The following GLCCI1 variants were observed in gnomAD, a reference collection of about 807,000 sequenced individuals.
GLCCI1 encodes the protein glucocorticoid-induced transcript 1 protein.
GLCCI1 carries 24 observed loss-of-function variants against 52.2 expected under a neutral mutation model. That is an observed-to-expected ratio of 0.46 (90% confidence interval 0.33 to 0.65). The LOEUF is 0.65. Among genes scored for constraint, GLCCI1 ranks in the 30% least tolerant of loss-of-function variants. The pLI is 0.02. For synonymous variants in GLCCI1, 310 were observed against 276.5 expected (o/e 1.12, Z -1.20); for missense variants, 704 against 701.5 (o/e 1.00, Z -0.04).
chr7:8,004,094 T>C, intron 2 of GLCCI1, 35 bp downstream of exon 2: 2 of 1,575,680 alleles, frequency 1.3e-6, no homozygotes, highest in Non-Finnish European at 1.7e-6. Context: ...CTTATTACCC[T>C]GCACTTCTTC....
chr7:8,076,740 GT>G (rs374162344), intron 6 of GLCCI1, among the ~76,000 whole-genome samples: 42 of 152,246 alleles, frequency 2.8e-4, no homozygotes, highest in African/African-American at 9.4e-4. Flanking sequence ...TTACCATGAT[GT>G]TAGCTCCAAC....
At chr7:8,010,837 T>C (rs900124170) in intron 2 of GLCCI1, among the ~76,000 whole-genome samples, 1 of 152,192 alleles carries the variant, frequency 6.6e-6, no homozygotes, top group Admixed American at 6.5e-5. Context: ...AGAGATGGAA[T>C]CATACTTTAT....
chr7:8,011,097 C>G (rs1348340963), intron 2 of GLCCI1, among the ~76,000 whole-genome samples: 1 of 151,566 alleles, frequency 6.6e-6, no homozygotes. Flanking sequence ...CCAGCCTGGG[C>G]AACAGAGTGA....
At position 7,969,952 on chromosome 7, in the gene GLCCI1, C is replaced by T. The variant is rs1400017101; in HGVS notation, c.457+145C>T. 2.8e-6 allele frequency: 3 copies of T among 1,078,660 alleles called. No homozygotes were observed. The highest frequency in any genetic ancestry group is 1.1e-6 in the Non-Finnish European group (1 of 875,422). 66.8% of individuals were successfully genotyped at this position (1,078,660 alleles called of 1,614,324 possible). ...TTTGGGAATCTCACCCCCCTGCGGT[C>T]GCTGTGGGGCTTGGAGGAGCGAACT... On this transcript the variant is annotated intron_variant, in intron 1 of 7. Coordinates refer to ENST00000223145, the MANE Select transcript of GLCCI1 (RefSeq NM_138426.4). This position sits in a 1 kb window ranked among gnomAD's most constrained non-coding sequence, Gnocchi z 4.9.
At chr7:7,987,772 A>AT (rs919949937) in intron 1 of GLCCI1, among the ~76,000 whole-genome samples, 2 of 147,372 alleles carry the variant, frequency 1.4e-5, no homozygotes, top group East Asian at 2.1e-4. Flanking sequence ...TTTATTTTTT[A>AT]TTTTTTTTAG....
intron 1 of GLCCI1, among the ~76,000 whole-genome samples, chr7:7,975,449 T>C (rs1425471995): frequency 1.3e-5 from 2 of 152,192 alleles, no homozygotes; most frequent in African/African-American, 4.8e-5. Flanking sequence ...AAGCAATGTA[T>C]ACTTTGATTC....
chr7:8,083,568 C>A (rs978268124), intron 6 of GLCCI1, among the ~76,000 whole-genome samples: 1 of 152,090 alleles, frequency 6.6e-6, no homozygotes. Flanking sequence ...ATTCTCAAAT[C>A]TGAATGGTAT....
rs1782366142 is a variant in GLCCI1, at chr7:8,055,486, C to G, written c.750C>G (p.His250Gln). ...AACGCAGTAAACAGAGTAGTCGTCACAGTAAGGAGAAAGATCGCCAGTCAC... is the reference window on the plus strand; with the variant it reads ...AACGCAGTAAACAGAGTAGTCGTCAGAGTAAGGAGAAAGATCGCCAGTCAC... Reference protein sequence around the residue: ...QLQRSKQSSRHSKEKDRQSPL... With the variant: ...QLQRSKQSSRQSKEKDRQSPL... Residue 250 changes from histidine to glutamine, a missense_variant, in exon 4 of 8, where the codon CAC becomes CAG. His to Gln is a conservative substitution (Grantham distance 24). This residue lies in a region of GLCCI1 where 547 missense variants were observed against 524.8 expected (regional missense o/e 1.04). Transcript: ENST00000223145. The G allele has an allele frequency of 6.2e-7, 1 of 1,614,040 alleles. No individual in the cohort carries two copies.
chr7:7,969,658 G>T lies in GLCCI1; in HGVS notation c.308G>T (p.Gly103Val). Reference sequence around the variant, plus strand: ...CTCCCGGGGCCCGGCGCGGCCCGCGGCCCCAGCCCGTCCAGCCCGACGCCG... The same window carrying T: ...CTCCCGGGGCCCGGCGCGGCCCGCGTCCCCAGCCCGTCCAGCCCGACGCCG... Reference protein sequence around the residue: ...GSLPGPGAARGPSPSSPTPPA... With the variant: ...GSLPGPGAARVPSPSSPTPPA... Residue 103 changes from glycine to valine, a missense_variant, in exon 1 of 8, where the codon GGC becomes GTC. Transcript: ENST00000223145. The surrounding 1 kb of genome is among the most constrained non-coding windows in gnomAD (Gnocchi z 4.9). 9.5e-7 allele frequency: 1 copy of T among 1,051,348 alleles called. No individual in the cohort carries two copies. The highest frequency in any genetic ancestry group is 2.9e-5 in the South Asian group (1 of 34,588). 65.1% of individuals were successfully genotyped at this position (1,051,348 alleles called of 1,614,324 possible).
intron 1 of GLCCI1, among the ~76,000 whole-genome samples, chr7:7,987,691 G>A (rs531443068): frequency 6.6e-6 from 1 of 152,174 alleles, no homozygotes; most frequent in Non-Finnish European, 1.5e-5. Context: ...GGGCTCAAGC[G>A]ATCCTTCCAC....
At chr7:8,040,166 C>A (rs1781967566) in intron 3 of GLCCI1, among the ~76,000 whole-genome samples, 1 of 152,030 alleles carries the variant, frequency 6.6e-6, no homozygotes, top group South Asian at 2.1e-4. Context: ...CAACATCATT[C>A]ATTAGTCATT....
rs1387786570 is a variant in GLCCI1, at chr7:8,088,726, A to T, written c.*2188A>T. 3 of 152,646 alleles carry T rather than the reference A, an allele frequency of 2.0e-5. No homozygotes were observed. The highest frequency in any genetic ancestry group is 4.4e-5 in the Non-Finnish European group (3 of 68,040). 9.5% of individuals were successfully genotyped at this position (152,646 alleles called of 1,614,324 possible). The stretch of plus-strand genomic sequence containing the variant: ...TGATGAAATCTCATGTACGATATTT[A>T]TAGTGATGTGCTTTTATTTTCTCAT... On this transcript the variant is annotated 3_prime_UTR_variant, in exon 8 of 8. Coordinates refer to ENST00000223145, the MANE Select transcript of GLCCI1 (RefSeq NM_138426.4).
At chr7:8,018,078 A>G (rs980367829) in intron 2 of GLCCI1, among the ~76,000 whole-genome samples, 1 of 152,148 alleles carries the variant, frequency 6.6e-6, no homozygotes, top group East Asian at 1.9e-4. Flanking sequence ...TAATATAGGT[A>G]TCATTGATTT....
chr7:8,061,562 T>C (rs1213977751), intron 5 of GLCCI1, among the ~76,000 whole-genome samples: 1 of 152,008 alleles, frequency 6.6e-6, no homozygotes, highest in Non-Finnish European at 1.5e-5. Context: ...TATTTGACTC[T>C]CCTTCAACAT....
chr7:8,051,935 C>T (rs943242908), intron 3 of GLCCI1, among the ~76,000 whole-genome samples: 1 of 152,094 alleles, frequency 6.6e-6, no homozygotes, highest in Non-Finnish European at 1.5e-5. Flanking sequence ...CTAATGGTAT[C>T]TCTGTCTTCT....
chr7:8,028,886 T>C (rs1466315014), intron 3 of GLCCI1, among the ~76,000 whole-genome samples: 1 of 152,110 alleles, frequency 6.6e-6, no homozygotes, highest in Non-Finnish European at 1.5e-5. Context: ...ACATATAACC[T>C]ACCAAGACAG....
At chr7:8,010,531 TC>T (rs1219348836) in intron 2 of GLCCI1, among the ~76,000 whole-genome samples, 2 of 152,212 alleles carry the variant, frequency 1.3e-5, no homozygotes, top group Admixed American at 1.3e-4. Flanking sequence ...TTATAGACAT[TC>T]TATAATTATC....
intron 3 of GLCCI1, among the ~76,000 whole-genome samples, chr7:8,043,075 C>G (rs961188150): frequency 6.6e-6 from 1 of 152,190 alleles, no homozygotes; most frequent in Non-Finnish European, 1.5e-5. Flanking sequence ...AAGATTGTAA[C>G]TTGCTGAAGA....
intron 3 of GLCCI1, among the ~76,000 whole-genome samples, chr7:8,035,041 C>G (rs144439951): frequency 6.6e-6 from 1 of 152,166 alleles, no homozygotes; most frequent in Non-Finnish European, 1.5e-5. Flanking sequence ...AACCTCAGGT[C>G]CTGCCCTTGT....
Sources: gnomAD v4.1 joint callset for allele counts (sites outside exome capture counted in the v4.1 genomes callset) on GRCh38, gnomAD v4.1.1 for gene constraint, gnomAD v4.1.1 regional missense constraint, Gnocchi (gnomAD v3.1) non-coding constraint, MANE v1.5 for transcripts, NCBI Gene and HGNC (gene_info 2026-07-23, HGNC 2026-07-21) for gene names.